The following SCAF8 variants were observed in gnomAD, a reference collection of about 807,000 sequenced individuals.
SCAF8 encodes the protein SR-related CTD associated factor 8, also known as SR-related and CTD-associated factor 8.
In SCAF8, 23 loss-of-function variants were observed where a neutral mutation model predicts 140.5. That is an observed-to-expected ratio of 0.16 (90% confidence interval 0.12 to 0.23). SCAF8 has a LOEUF of 0.23. SCAF8 is among the 10% of genes least tolerant of loss of function. The probability of loss-of-function intolerance (pLI) is 1.00; values close to 1 mark genes in which losing one functional copy is unlikely to be tolerated. For missense variants in SCAF8, 1,397 were observed against 1,555.7 expected, an observed-to-expected ratio of 0.90 and a Z score of 1.72; for synonymous variants, 575 against 528.9, an observed-to-expected ratio of 1.09 and a Z score of -1.20.
chr6:154,741,822 C>A, intron 1 of SCAF8: 1 of 602,564 alleles, frequency 1.7e-6, no homozygotes, highest in Non-Finnish European at 3.0e-6. Flanking sequence ...TTTTGGACAA[C>A]TTCTAACTCA....
At position 154,831,107 on chromosome 6, in the gene SCAF8, C is replaced by G; in HGVS notation, c.2326C>G (p.His776Asp). The change falls in exon 19 of 20, where the codon CAC becomes GAC. Residue 776 changes from histidine (H) to aspartate (D), a missense_variant. By Grantham distance (81) the His-to-Asp change is moderately conservative. Around this residue, in one of 5 missense-constraint regions of SCAF8, gnomAD observed 930 missense variants for 874.6 expected, o/e 1.06. Transcript: ENST00000367178. ...PEEKVPHLIDHQISSGENTRS... is the reference protein window; with the variant it reads ...PEEKVPHLIDDQISSGENTRS... ...AGAAAAAGTACCTCATCTTATAGAC[C>G]ACCAGATTTCTTCTGGTGAAAACAC... 1.2e-6 allele frequency: 2 copies of G among 1,611,764 alleles called. No individual in the cohort carries two copies. The highest frequency in any genetic ancestry group is 1.7e-6 in the Non-Finnish European group (2 of 1,178,178).
At chr6:154,764,605 A>G (rs1776508873) in intron 1 of SCAF8, among the ~76,000 whole-genome samples, 1 of 152,192 alleles carries the variant, frequency 6.6e-6, no homozygotes, top group Non-Finnish European at 1.5e-5. Flanking sequence ...GCAGCCACTT[A>G]AGACTTTGGA....
intron 12 of SCAF8, among the ~76,000 whole-genome samples, chr6:154,811,231 C>T (rs951696305): frequency 3.9e-5 from 6 of 152,094 alleles, no homozygotes; most frequent in African/African-American, 4.8e-5. Context: ...TAATGTCAAA[C>T]GTTTAACCAC....
intron 9 of SCAF8, among the ~76,000 whole-genome samples, chr6:154,806,641 A>C (rs746819442): frequency 4.6e-5 from 7 of 152,204 alleles, no homozygotes; most frequent in Non-Finnish European, 1.0e-4. Context: ...AAGAGATAGC[A>C]AACTTGAGAC....
At chr6:154,746,782 A>G (rs1393131431) in intron 1 of SCAF8, among the ~76,000 whole-genome samples, 3 of 152,184 alleles carry the variant, frequency 2.0e-5, no homozygotes, top group African/African-American at 4.8e-5. Context: ...TGGTTTTGCT[A>G]TTAATTTGAA....
chr6:154,821,433 CTA>C (rs1714482286), intron 15 of SCAF8, among the ~76,000 whole-genome samples: 1 of 151,802 alleles, frequency 6.6e-6, no homozygotes, highest in African/African-American at 2.4e-5. Flanking sequence ...GTTTACTAGC[CTA>C]TGTTTCACAC....
intron 2 of SCAF8, among the ~76,000 whole-genome samples, chr6:154,776,630 C>T (rs1167834621): frequency 6.6e-6 from 1 of 152,132 alleles, no homozygotes; most frequent in Admixed American, 6.5e-5. Flanking sequence ...TGTTTAGGGG[C>T]CTCTAAAGTG....
chr6:154,796,014 C>T (rs975923126), intron 6 of SCAF8, among the ~76,000 whole-genome samples: 2 of 151,826 alleles, frequency 1.3e-5, no homozygotes, highest in East Asian at 1.9e-4. Flanking sequence ...TTTCATTTTC[C>T]GTTATATTAT....
Position 154,778,006 on chromosome 6 carries a change from T to C in SCAF8, c.120T>C (p.Tyr40=). ...TCATTTTTTTCCTCTTTTAGTTCTA[T>C]AAACATGTGGTACAGAGTGTTGAGA... ...TKAAIKAIKF[Y]KHVVQSVEKF... The change falls in exon 3 of 20, where the codon TAT becomes TAC. Residue 40 remains tyrosine, a synonymous_variant. Transcript: ENST00000367178. 6.6e-7 allele frequency: 1 copy of C among 1,510,358 alleles called. No homozygotes were observed. Among genetic ancestry groups the C allele is most frequent in the Non-Finnish European group, 9.2e-7 (1 of 1,091,070 alleles). The allele number at this position is 1,510,358 out of a possible 1,614,324, so 93.6% of individuals were successfully genotyped here.
intron 1 of SCAF8, among the ~76,000 whole-genome samples, chr6:154,761,370 C>T (rs531816035): frequency 7.2e-5 from 11 of 152,140 alleles, no homozygotes; most frequent in Non-Finnish European, 1.6e-4. Context: ...CCCATAATCC[C>T]AGCGGCTCGG....
chr6:154,822,442 T>C (rs1778448075), intron 16 of SCAF8, 33 bp downstream of exon 16: 3 of 1,571,574 alleles, frequency 1.9e-6, no homozygotes, highest in Non-Finnish European at 2.6e-6. Flanking sequence ...TTTTTTCTTG[T>C]GTTGTTTTAC....
At chr6:154,743,235 A>G (rs1165733717) in intron 1 of SCAF8, among the ~76,000 whole-genome samples, 1 of 152,232 alleles carries the variant, frequency 6.6e-6, no homozygotes, top group Non-Finnish European at 1.5e-5. Flanking sequence ...AGGTAGACTT[A>G]GTTAAATGAT....
At chr6:154,753,247 C>T (rs576843313) in intron 1 of SCAF8, among the ~76,000 whole-genome samples, 21 of 152,260 alleles carry the variant, frequency 1.4e-4, no homozygotes, top group African/African-American at 4.1e-4. Context: ...AGGTCAGTCA[C>T]CTGAGGTTGG....
At chr6:154,823,676 G>T (rs1778484751) in intron 16 of SCAF8, among the ~76,000 whole-genome samples, 1 of 152,198 alleles carries the variant, frequency 6.6e-6, no homozygotes, top group Non-Finnish European at 1.5e-5. Context: ...TGGAAAATCA[G>T]TTGTTTCATA....
At chr6:154,767,745 C>A (rs1776623357) in intron 1 of SCAF8, among the ~76,000 whole-genome samples, 2 of 151,822 alleles carry the variant, frequency 1.3e-5, no homozygotes, top group Non-Finnish European at 2.9e-5. Context: ...TGCCATGTTG[C>A]CCAGGCTGGT....
rs753615086 is a variant in SCAF8, at chr6:154,831,100, T to C, written c.2319T>C (p.Leu773=). 6.2e-7 allele frequency: 1 copy of C among 1,613,154 alleles called. No individual in the cohort carries two copies. Among genetic ancestry groups the C allele is most frequent in the Non-Finnish European group, 8.5e-7 (1 of 1,179,230 alleles). The change falls in exon 19 of 20, where the codon CTT becomes CTC. Residue 773 remains leucine, a synonymous_variant. Transcript: ENST00000367178. ...QAEPEEKVPH[L]IDHQISSGEN... is the part of the protein sequence containing the mutation. ...AGCCTGAAGAAAAAGTACCTCATCT[T>C]ATAGACCACCAGATTTCTTCTGGTG...
rs927056417 is a variant in SCAF8 at position 154,733,737 on chromosome 6, CGCCAGCG to C, written c.-163_-157del. 3.8e-6 allele frequency: 5 copies of C among 1,330,112 alleles called. No homozygotes were observed. The African/African-American group carries it at 7.7e-5, about 21-fold the overall frequency. The allele number at this position is 1,330,112 out of a possible 1,614,324, so 82.4% of individuals were successfully genotyped here. ...CTCTGCCGCTGAGGGAGCCCTTCCC[CGCCAGCG>C]CGTGCCCTTCCACTCCGCCCCGAGG... On this transcript the variant is annotated 5_prime_UTR_variant, in exon 1 of 20. Transcript: ENST00000367178.
At chr6:154,795,166 A>C (rs1415179730) in intron 6 of SCAF8, 27 bp downstream of exon 6, 2 of 1,572,786 alleles carry the variant, frequency 1.3e-6, no homozygotes, top group African/African-American at 2.8e-5. Context: ...TTATATCAAG[A>C]ATAATTTAGA....
chr6:154,774,292 T>C (rs1776856515), intron 2 of SCAF8, among the ~76,000 whole-genome samples: 1 of 152,118 alleles, frequency 6.6e-6, no homozygotes, highest in Non-Finnish European at 1.5e-5. Flanking sequence ...GACAATGTCT[T>C]ATTCTGTCAC....
Sources: gnomAD v4.1 joint callset for allele counts (sites outside exome capture counted in the v4.1 genomes callset) on GRCh38, gnomAD v4.1.1 for gene constraint, gnomAD v4.1.1 regional missense constraint, MANE v1.5 for transcripts, NCBI Gene and HGNC (gene_info 2026-07-23, HGNC 2026-07-21) for gene names.